The following AGO3 variants were observed in gnomAD, a reference collection of about 807,000 sequenced individuals.
The protein encoded by AGO3 is protein argonaute-3.
A neutral mutation model predicts 105.5 loss-of-function variants in AGO3; 16 were observed. That is an observed-to-expected ratio of 0.15 (90% confidence interval 0.10 to 0.23). The LOEUF (loss-of-function observed/expected upper bound fraction) is 0.23, where lower values mean the gene tolerates loss of function less well. Among genes scored for constraint, AGO3 ranks in the 10% least tolerant of loss-of-function variants. The probability of loss-of-function intolerance (pLI) is 1.00; values close to 1 mark genes in which losing one functional copy is unlikely to be tolerated. For missense variants in AGO3, 534 were observed against 1,088.0 expected (o/e 0.49, Z 7.16); for synonymous variants, 340 against 367.3 (o/e 0.93, Z 0.85).
chr1:35,986,000 G>A (rs1292350855), intron 5 of AGO3, among the ~76,000 whole-genome samples: 1 of 152,146 alleles, frequency 6.6e-6, no homozygotes, highest in African/African-American at 2.4e-5. Context: ...CATTTTCTAC[G>A]CATCAGATTT....
intron 2 of AGO3, among the ~76,000 whole-genome samples, chr1:35,963,468 A>C (rs1571438875): frequency 6.6e-6 from 1 of 152,230 alleles, no homozygotes; most frequent in Admixed American, 6.5e-5. Flanking sequence ...AAGAATGTTC[A>C]TCAAACAAAT....
intron 2 of AGO3, among the ~76,000 whole-genome samples, chr1:35,951,091 G>A (rs900558756): frequency 2.0e-5 from 3 of 152,052 alleles, no homozygotes; most frequent in African/African-American, 7.2e-5. Context: ...CGAGTAGTTG[G>A]GATTACAGGC....
Position 36,027,894 on chromosome 1 carries a change from T to A in AGO3, c.1591+596T>A, listed in dbSNP as rs1641582105. Among the ~76,000 whole-genome samples, 2 of 152,126 alleles carry A rather than the reference T, an allele frequency of 1.3e-5. No individual in the cohort carries two copies. Among genetic ancestry groups the A allele is most frequent in the Admixed American group, 1.3e-4 (2 of 15,266 alleles). On this transcript the variant is annotated intron_variant, in intron 12 of 18. Coordinates refer to ENST00000373191, the MANE Select transcript of AGO3 (RefSeq NM_024852.4). This position sits in a 1 kb window ranked among gnomAD's most constrained non-coding sequence, Gnocchi z 4.0. ...TAATTTGAGTATCAGTATAATGTAG[T>A]GGTTAAAAGCACAGGCTATCAAATT...
At chr1:36,025,982 A>T (rs921626838) in intron 11 of AGO3, among the ~76,000 whole-genome samples, 2 of 151,766 alleles carry the variant, frequency 1.3e-5, no homozygotes, top group Non-Finnish European at 2.9e-5. Context: ...AGGCTGCAGG[A>T]GTGAGTTGTG....
intron 5 of AGO3, chr1:35,992,424 C>T (rs1433688482): frequency 6.6e-6 from 1 of 152,262 alleles, no homozygotes; most frequent in Non-Finnish European, 1.5e-5. Context: ...CACTCCCATC[C>T]TTTTATCACC....
intron 2 of AGO3, among the ~76,000 whole-genome samples, chr1:35,953,786 AC>A (rs1204186533): frequency 9.2e-5 from 14 of 152,316 alleles, no homozygotes; most frequent in Admixed American, 2.6e-4. Context: ...TGCTGGGGTT[AC>A]AGGCATGAGC....
intron 1 of AGO3, among the ~76,000 whole-genome samples, chr1:35,942,733 T>C (rs1291083482): frequency 6.6e-6 from 1 of 152,236 alleles, no homozygotes; most frequent in East Asian, 1.9e-4. Flanking sequence ...TTAAAAAATG[T>C]AAAATATACA....
At chr1:35,942,418 T>C (rs750270287) in intron 1 of AGO3, among the ~76,000 whole-genome samples, 3 of 152,332 alleles carry the variant, frequency 2.0e-5, no homozygotes, top group Non-Finnish European at 4.4e-5. Flanking sequence ...TATTGGGGTG[T>C]GTTTACTTCT....
At position 36,027,579 on chromosome 1, in the gene AGO3, A is replaced by G. The variant is rs965516248; in HGVS notation, c.1591+281A>G. On this transcript the variant is annotated intron_variant, in intron 12 of 18. Coordinates refer to ENST00000373191, the MANE Select transcript of AGO3 (RefSeq NM_024852.4). This position sits in a 1 kb window ranked among gnomAD's most constrained non-coding sequence, Gnocchi z 4.0. ...GATCACCTGAGGTCAGGAGTTCGAGACCAGCCTGGCCAATGTGGTGAAACC... is the reference window on the plus strand; with the variant it reads ...GATCACCTGAGGTCAGGAGTTCGAGGCCAGCCTGGCCAATGTGGTGAAACC... Among the ~76,000 whole-genome samples the G allele has an allele frequency of 6.6e-6, 1 of 151,936 alleles. No individual in the cohort carries two copies. The highest frequency in any genetic ancestry group is 2.4e-5 in the African/African-American group (1 of 41,378).
intron 5 of AGO3, among the ~76,000 whole-genome samples, chr1:35,982,390 G>C (rs1336904760): frequency 6.6e-6 from 1 of 151,790 alleles, no homozygotes; most frequent in African/African-American, 2.4e-5. Flanking sequence ...GCAATGCTTA[G>C]AGAGAATTTA....
At chr1:36,039,072 A>G (rs1642135725) in intron 14 of AGO3, among the ~76,000 whole-genome samples, 1 of 152,352 alleles carries the variant, frequency 6.6e-6, no homozygotes, top group South Asian at 2.1e-4. Flanking sequence ...CTTTAAGTCT[A>G]CCAACAACAC....
intron 2 of AGO3, among the ~76,000 whole-genome samples, chr1:35,961,867 C>G (rs1312715019): frequency 6.6e-6 from 1 of 152,134 alleles, no homozygotes; most frequent in Admixed American, 6.6e-5. Context: ...GGCTTGTACC[C>G]TTTTCCACAG....
chr1:35,972,317 G>A, intron 4 of AGO3, 85 bp downstream of exon 4: 2 of 1,396,686 alleles, frequency 1.4e-6, no homozygotes, highest in East Asian at 2.5e-5. Flanking sequence ...ACCTTTATTT[G>A]TCATATATTT....
chr1:36,029,597 C>T (rs1320845642), intron 12 of AGO3, among the ~76,000 whole-genome samples: 1 of 151,624 alleles, frequency 6.6e-6, no homozygotes, highest in Non-Finnish European at 1.5e-5. Context: ...AGGGTTTCAC[C>T]GTGTTAGCCA....
rs527741073 is a variant in AGO3, at chr1:35,947,621, G to A, written c.191+1758G>A. Among the ~76,000 whole-genome samples the A allele has an allele frequency of 2.6e-5, 4 of 152,254 alleles. No homozygotes were observed. The South Asian group carries it at 8.3e-4, about 32-fold the overall frequency. On this transcript the variant is annotated intron_variant, in intron 2 of 18. Coordinates refer to ENST00000373191, the MANE Select transcript of AGO3 (RefSeq NM_024852.4). ...AAATGGCATGAGTGTGATGGTGGGG[G>A]ACAGGAAAGAAAACTGGATGTTCTA...
intron 2 of AGO3, among the ~76,000 whole-genome samples, chr1:35,961,619 T>G (rs1646678692): frequency 1.3e-5 from 2 of 152,210 alleles, no homozygotes; most frequent in Non-Finnish European, 2.9e-5. Context: ...GTTTGATTTA[T>G]TTTTACTCAT....
Position 35,945,957 on chromosome 1 carries a change from G to GT in AGO3, c.191+95dup. The GT allele has an allele frequency of 2.3e-6, 3 of 1,286,984 alleles. No homozygotes were observed. The South Asian group carries it at 5.0e-5, about 22-fold the overall frequency. 79.7% of individuals were successfully genotyped at this position (1,286,984 alleles called of 1,614,324 possible). On this transcript the variant is annotated intron_variant, in intron 2 of 18. Coordinates refer to ENST00000373191, the MANE Select transcript of AGO3 (RefSeq NM_024852.4). ...TATATCTGAATAACAATTACAATGTGTAACAGTTTGACCAAAAACATCTGG... is the reference window on the plus strand; with the variant it reads ...TATATCTGAATAACAATTACAATGTGTTAACAGTTTGACCAAAAACATCTGG...
chr1:36,055,181 C>G lies in AGO3; in HGVS notation c.2474+36C>G, dbSNP rs369073556. The G allele has an allele frequency of 2.6e-6, 4 of 1,547,338 alleles. No homozygotes were observed. Among genetic ancestry groups the G allele is most frequent in the Non-Finnish European group, 3.5e-6 (4 of 1,141,938 alleles). On this transcript the variant is annotated intron_variant, in intron 18 of 18. Coordinates refer to ENST00000373191, the MANE Select transcript of AGO3 (RefSeq NM_024852.4). The surrounding 1 kb of genome is among the most constrained non-coding windows in gnomAD (Gnocchi z 4.4). ...AGCATAACAGGTTCTCACCCAAATC[C>G]CAATATTGTCTGCATGGTAGGATTT...
rs1025657538 is a variant in AGO3, at chr1:36,062,515, A to G, written c.*6770A>G. The G allele has an allele frequency of 3.2e-4, 49 of 152,332 alleles. No homozygotes were observed. The highest frequency in any genetic ancestry group is 1.1e-3 in the African/African-American group (45 of 41,570). The allele number at this position is 152,332 out of a possible 1,614,324, so 9.4% of individuals were successfully genotyped here. ...GCAGGAACTATGAAAAATGATGACA[A>G]GGCATTTAAAAGGGTATGATCAGTT... On this transcript the variant is annotated 3_prime_UTR_variant, in exon 19 of 19. Coordinates refer to ENST00000373191, the MANE Select transcript of AGO3 (RefSeq NM_024852.4).
Sources: allele counts gnomAD v4.1 joint callset (sites outside exome capture counted in the v4.1 genomes callset), GRCh38; gene constraint gnomAD v4.1.1; non-coding constraint Gnocchi (gnomAD v3.1); transcripts MANE v1.5; gene names NCBI Gene and HGNC (gene_info 2026-07-23, HGNC 2026-07-21).